Variants in DISP3 observed in about 807,000 individuals in gnomAD.
DISP3 encodes dispatched RND transporter family member 3, also known as protein dispatched homolog 3.
DISP3 carries 101 observed loss-of-function variants against 135.3 expected under a neutral mutation model. The observed-to-expected ratio is 0.75, with a 90% CI of 0.64 to 0.88. DISP3 has a LOEUF of 0.88. Ranked by LOEUF, DISP3 falls within the 40% of genes least tolerant of loss-of-function variation. The pLI is 0.00. For missense variants in DISP3, 1,713 were observed against 1,878.6 expected, an observed-to-expected ratio of 0.91 and a Z score of 1.63; for synonymous variants, 856 against 817.0, an observed-to-expected ratio of 1.05 and a Z score of -0.81.
At chr1:11,505,568 G>A (rs1013127115) in intron 3 of DISP3, among the ~76,000 whole-genome samples, 20 of 152,308 alleles carry the variant, frequency 1.3e-4, no homozygotes, top group African/African-American at 4.6e-4. Context: ...TGACTTAAGC[G>A]CTTTTGGATG....
intron 1 of DISP3, among the ~76,000 whole-genome samples, chr1:11,496,407 T>C (rs1387593936): frequency 2.0e-5 from 3 of 152,086 alleles, no homozygotes; most frequent in Non-Finnish European, 4.4e-5. Context: ...AGGGCATTGG[T>C]CACTGAGAAG....
Position 11,520,970 on chromosome 1 carries a change from C to T in DISP3, c.2362+122C>T. ...GCCAGACCTCAGGCAAATCCCACTCCCCTCTGAGCCCCCATGTTCCCACAG... is the reference window on the plus strand; with the variant it reads ...GCCAGACCTCAGGCAAATCCCACTCTCCTCTGAGCCCCCATGTTCCCACAG... On this transcript the variant is annotated intron_variant, in intron 10 of 20. Transcript: ENST00000294484. This position sits in a 1 kb window ranked among gnomAD's most constrained non-coding sequence, Gnocchi z 4.8. 1 of 1,170,720 alleles carries T rather than the reference C, an allele frequency of 8.5e-7. No homozygotes were observed. The allele number at this position is 1,170,720 out of a possible 1,614,324, so 72.5% of individuals were successfully genotyped here. A position where few individuals can be genotyped will look rare whatever the true frequency, so the allele number is the denominator to read the frequency against.
chr1:11,514,503 T>G lies in DISP3; in HGVS notation c.1430T>G (p.Val477Gly). The G allele has an allele frequency of 6.2e-7, 1 of 1,614,106 alleles. No homozygotes were observed. Among genetic ancestry groups the G allele is most frequent in the Non-Finnish European group, 8.5e-7 (1 of 1,179,980 alleles). The stretch of plus-strand genomic sequence containing the variant: ...AGCAGCAGCTGCATTGCTGCCCTGG[T>G]CTACATCCTCACCTCCTGCTCAGGT... Reference protein sequence around the residue: ...FISSSCIAALVYILTSCSVFL... With the variant: ...FISSSCIAALGYILTSCSVFL... Residue 477 changes from valine to glycine, a missense_variant, in exon 4 of 21, where the codon GTC becomes GGC. Val to Gly is a moderately radical substitution (Grantham distance 109). Coordinates refer to ENST00000294484, the MANE Select transcript of DISP3 (RefSeq NM_020780.2).
At chr1:11,518,364 C>T (rs1642072037) in intron 7 of DISP3, among the ~76,000 whole-genome samples, 1 of 152,212 alleles carries the variant, frequency 6.6e-6, no homozygotes, top group African/African-American at 2.4e-5. Flanking sequence ...CCTCAGCTCT[C>T]CCCACTCACA....
rs2100524739 is a variant in DISP3 at position 11,536,953 on chromosome 1, C to T, written c.*267C>T. ...GTGGCAGAAGAGACCAGCCCTCCTC[C>T]CATGCCCGGTCACCATGGGGGTCAG... On this transcript the variant is annotated 3_prime_UTR_variant, in exon 21 of 21. Transcript: ENST00000294484. The surrounding 1 kb of genome is among the most constrained non-coding windows in gnomAD (Gnocchi z 4.3). 2 of 519,360 alleles carry T rather than the reference C, an allele frequency of 3.9e-6. No homozygotes were observed. Among genetic ancestry groups the T allele is most frequent in the East Asian group, 6.4e-5 (2 of 31,382 alleles). The allele number at this position is 519,360 out of a possible 1,614,324, so 32.2% of individuals were successfully genotyped here.
Position 11,525,182 on chromosome 1 carries a change from C to T in DISP3, c.2483C>T (p.Pro828Leu), listed in dbSNP as rs761409291. ...ATCCCTTATTTGTCCGTAGATTTCC[C>T]AGGCACCGTGTACATCTCTAAAGTG... ...SRPEATLQDF[P>L]GTVYISKVKS... The change falls in exon 12 of 21, where the codon CCA becomes CTA. Residue 828 changes from proline (P) to leucine (L), a missense_variant. Physicochemically the swap from Pro to Leu is moderately conservative, Grantham distance 98 (BLOSUM62 -3). This residue lies in a region of DISP3 where 1,142 missense variants were observed against 1,384.6 expected (regional missense o/e 0.82). Transcript: ENST00000294484. 1.9e-6 allele frequency: 3 copies of T among 1,613,382 alleles called. No individual in the cohort carries two copies. Among genetic ancestry groups the T allele is most frequent in the South Asian group, 1.1e-5 (1 of 91,068 alleles).
intron 19 of DISP3, 77 bp downstream of exon 19, chr1:11,535,201 C>A: frequency 7.4e-7 from 1 of 1,347,916 alleles, no homozygotes; most frequent in Non-Finnish European, 1.0e-6. Context: ...CCCCAGGTAG[C>A]CTCCAGGCCT....
intron 13 of DISP3, among the ~76,000 whole-genome samples, chr1:11,528,679 C>T (rs1419998583): frequency 6.6e-6 from 1 of 152,100 alleles, no homozygotes; most frequent in Non-Finnish European, 1.5e-5. Context: ...TGACAGAACT[C>T]GGTGATACGC....
chr1:11,498,525 T>C (rs2100396446), intron 1 of DISP3, among the ~76,000 whole-genome samples: 1 of 152,300 alleles, frequency 6.6e-6, no homozygotes. Context: ...TCCTAATGCC[T>C]GCATTCCTTC....
In DISP3 at chr1:11,484,303, G is replaced by A. The variant is rs1640978445; in HGVS notation, c.-4+4931G>A. ...CACTGCTGGTGAGGAGGCAGGTGGA[G>A]CCCAGCAGAGCCCCGCTGGCTGGTT... is the stretch of plus-strand genomic sequence containing the variant. On this transcript the variant is annotated intron_variant, in intron 1 of 20. Transcript: ENST00000294484. Among the ~76,000 whole-genome samples, 3 of 152,244 alleles carry A rather than the reference G, an allele frequency of 2.0e-5. No individual in the cohort carries two copies. The South Asian group carries it at 6.2e-4, about 32-fold the overall frequency.
Position 11,502,810 on chromosome 1 carries a change from CAGT to C in DISP3, c.1232_1234del (p.Val411del). On this transcript the variant is annotated inframe_deletion, in exon 3 of 21. Coordinates refer to ENST00000294484, the MANE Select transcript of DISP3 (RefSeq NM_020780.2). The stretch of plus-strand genomic sequence containing the variant: ...GGAGCACCCCTGCCCAACTACTACT[CAGT>C]AGATGACCGCTGGGAGGAACAACGG... 4 of 1,614,232 alleles carry C rather than the reference CAGT, an allele frequency of 2.5e-6. No homozygotes were observed. The highest frequency in any genetic ancestry group is 3.4e-6 in the Non-Finnish European group (4 of 1,180,038).
In DISP3 at chr1:11,536,625, C is replaced by G; in HGVS notation, c.4118C>G (p.Ala1373Gly). Reference protein sequence around the residue: ...VLLAGALGLGACLVLLQSGYK... With the variant: ...VLLAGALGLGGCLVLLQSGYK... ...CTGGCAGGGGCCCTGGGGCTGGGTGCCTGCCTCGTGCTCCTGCAGAGCGGC... is the reference window on the plus strand; with the variant it reads ...CTGGCAGGGGCCCTGGGGCTGGGTGGCTGCCTCGTGCTCCTGCAGAGCGGC... The change falls in exon 21 of 21, where the codon GCC (alanine) becomes GGC (glycine). Residue 1373 changes from alanine (A) to glycine (G), a missense_variant. This residue lies in a region of DISP3 where 1,142 missense variants were observed against 1,384.6 expected (regional missense o/e 0.82). Transcript: ENST00000294484. This position sits in a 1 kb window ranked among gnomAD's most constrained non-coding sequence, Gnocchi z 4.3. 1 of 1,606,674 alleles carries G rather than the reference C, an allele frequency of 6.2e-7. No homozygotes were observed. Among genetic ancestry groups the G allele is most frequent in the Non-Finnish European group, 8.5e-7 (1 of 1,177,878 alleles).
intron 15 of DISP3, 79 bp from the exon 16 acceptor site, chr1:11,530,828 C>T: frequency 1.3e-6 from 2 of 1,570,396 alleles, no homozygotes; most frequent in South Asian, 1.1e-5. Context: ...GGTTCTGCCC[C>T]AGGGTTGGGG....
intron 7 of DISP3, among the ~76,000 whole-genome samples, chr1:11,518,006 T>C (rs979312765): frequency 2.6e-5 from 4 of 152,216 alleles, no homozygotes; most frequent in African/African-American, 7.2e-5. Flanking sequence ...AGCCACCATG[T>C]TAAGTGTCCT....
At chr1:11,532,887 G>C (rs1390874433) in intron 17 of DISP3, among the ~76,000 whole-genome samples, 2 of 151,826 alleles carry the variant, frequency 1.3e-5, no homozygotes, top group Non-Finnish European at 2.9e-5. Context: ...TTATTTTTTG[G>C]TAGAGACGGG....
chr1:11,522,573 GACCCAGCCAAGA>G lies in DISP3; in HGVS notation c.2363-1368_2363-1357del, dbSNP rs1557614847. Among the ~76,000 whole-genome samples the G allele has an allele frequency of 5.2e-4, 70 of 135,166 alleles. 2 individuals are homozygous for G. In the East Asian group the frequency reaches 9.3e-3, roughly 18 times the overall value. 88.7% of individuals were successfully genotyped at this position (135,166 alleles called of 152,430 possible). On this transcript the variant is annotated intron_variant, in intron 10 of 20. Transcript: ENST00000294484. Reference sequence around the variant, plus strand: ...CAGGACCCAGCCAGAGCCCAGCCAGGACCCAGCCAAGACCCAGCCAGGACCCAGCCAGAGCCC... The same window carrying G: ...CAGGACCCAGCCAGAGCCCAGCCAGGCCCAGCCAGGACCCAGCCAGAGCCC...
chr1:11,480,682 C>CACACAA, intron 1 of DISP3, among the ~76,000 whole-genome samples: 1 of 44,200 alleles, frequency 2.3e-5, no homozygotes, highest in Middle Eastern at 0.01. Flanking sequence ...CGCGTGCACA[C>CACACAA]ACACACACAC....
At position 11,519,083 on chromosome 1, in the gene DISP3, C is replaced by T. The variant is rs984133680; in HGVS notation, c.1890-272C>T. Among the ~76,000 whole-genome samples, 43 of 152,106 alleles carry T rather than the reference C, an allele frequency of 2.8e-4. No homozygotes were observed. The highest frequency in any genetic ancestry group is 9.4e-4 in the African/African-American group (39 of 41,402). ...CCCCTGATTTGATCACCTTAGTGCC[C>T]GGGCCACTGTGTGTTGTCATCCCCT... On this transcript the variant is annotated intron_variant, in intron 7 of 20. Coordinates refer to ENST00000294484, the MANE Select transcript of DISP3 (RefSeq NM_020780.2). This position sits in a 1 kb window ranked among gnomAD's most constrained non-coding sequence, Gnocchi z 4.3.
At chr1:11,506,830 G>A (rs1258963921) in intron 3 of DISP3, among the ~76,000 whole-genome samples, 3 of 152,084 alleles carry the variant, frequency 2.0e-5, no homozygotes, top group African/African-American at 7.2e-5. Flanking sequence ...TTGAGACAAG[G>A]TGTCACTCTC....
Sources: gnomAD v4.1 joint callset for allele counts (sites outside exome capture counted in the v4.1 genomes callset) on GRCh38, gnomAD v4.1.1 for gene constraint, gnomAD v4.1.1 regional missense constraint, Gnocchi (gnomAD v3.1) non-coding constraint, MANE v1.5 for transcripts, NCBI Gene and HGNC (gene_info 2026-07-23, HGNC 2026-07-21) for gene names.